Variants in CAPN5 observed in about 807,000 individuals in gnomAD.
CAPN5 encodes calpain-5.
A neutral mutation model predicts 73.0 loss-of-function variants in CAPN5; 54 were observed. That is an observed-to-expected ratio of 0.74 (90% CI 0.59 to 0.93). CAPN5 has a LOEUF of 0.93. Among genes scored for constraint, CAPN5 ranks in the 40% least tolerant of loss-of-function variants. The pLI is 0.00. For missense variants in CAPN5, 785 were observed against 882.9 expected (o/e 0.89, Z 1.41); for synonymous variants, 335 against 356.9 (o/e 0.94, Z 0.69).
chr11:77,089,313 C>G (rs1308510911), intron 2 of CAPN5, among the ~76,000 whole-genome samples: 4 of 152,260 alleles, frequency 2.6e-5, no homozygotes, highest in Non-Finnish European at 5.9e-5. Flanking sequence ...CATGCCTGCT[C>G]TGCCAGCATC....
At chr11:77,105,750 G>A (rs2135462619) in intron 3 of CAPN5, among the ~76,000 whole-genome samples, 1 of 152,330 alleles carries the variant, frequency 6.6e-6, no homozygotes, top group South Asian at 2.1e-4. Flanking sequence ...ACCTGTGCTG[G>A]GCTAGACTGA....
chr11:77,084,686 G>A (rs1565259333), intron 1 of CAPN5, among the ~76,000 whole-genome samples, 166 bp from the exon 2 acceptor site: 3 of 152,156 alleles, frequency 2.0e-5, no homozygotes, highest in South Asian at 4.1e-4. Context: ...CAGGCCGGTC[G>A]GTGTCTGTCC....
chr11:77,082,059 G>A (rs1290551118), intron 1 of CAPN5, among the ~76,000 whole-genome samples: 1 of 152,148 alleles, frequency 6.6e-6, no homozygotes, highest in Non-Finnish European at 1.5e-5. Flanking sequence ...GGGGCACAGG[G>A]TAGGCTGGGG....
intron 1 of CAPN5, chr11:77,073,273 A>G (rs1949930390): frequency 9.7e-6 from 4 of 411,618 alleles, no homozygotes; most frequent in Non-Finnish European, 1.9e-5. Flanking sequence ...CTCCACCTCC[A>G]CAAGTGTGGC....
At chr11:77,117,474 G>C (rs1555041959) in intron 7 of CAPN5, among the ~76,000 whole-genome samples, 1 of 152,216 alleles carries the variant, frequency 6.6e-6, no homozygotes, top group Non-Finnish European at 1.5e-5. Flanking sequence ...CCTTCTGCAG[G>C]TGTCAGGTCA....
In CAPN5 at chr11:77,119,059, T is replaced by C; in HGVS notation, c.1197T>C (p.Asp399=). The change falls in exon 9 of 13, where the codon GAT becomes GAC. Residue 399 remains aspartate (D), a synonymous_variant. Coordinates refer to ENST00000648180, the MANE Select transcript of CAPN5 (RefSeq NM_004055.5). Reference sequence around the variant, plus strand: ...TCTTCGAAGTCAAGAAGCCAGAAGATGAAGTCCTGATCTGCATCCAGCAGC... The same window carrying C: ...TCTTCGAAGTCAAGAAGCCAGAAGACGAAGTCCTGATCTGCATCCAGCAGC... ...QYIFEVKKPE[D]EVLICIQQRP... 2 of 1,614,016 alleles carry C rather than the reference T, an allele frequency of 1.2e-6. No individual in the cohort carries two copies. The highest frequency in any genetic ancestry group is 1.6e-4 in the Middle Eastern group (1 of 6,062).
intron 7 of CAPN5, among the ~76,000 whole-genome samples, chr11:77,117,885 G>T (rs151321144): frequency 1.4e-3 from 220 of 152,340 alleles, no homozygotes; most frequent in South Asian, 3.7e-3. Flanking sequence ...TGCCTGCTTT[G>T]ATTGCATTAC....
At chr11:77,111,972 A>G (rs1950414475) in intron 3 of CAPN5, among the ~76,000 whole-genome samples, 1 of 151,792 alleles carries the variant, frequency 6.6e-6, no homozygotes, top group African/African-American at 2.4e-5. Flanking sequence ...CAGAGAAATG[A>G]GGCTGGGGGA....
chr11:77,098,938 C>G (rs1360453173), intron 3 of CAPN5, among the ~76,000 whole-genome samples: 8 of 79,900 alleles, frequency 1.0e-4, no homozygotes, highest in African/African-American at 5.3e-4. Context: ...TCAGACGGGG[C>G]GGCTGCCGGG....
At chr11:77,109,382 TA>T (rs559370617) in intron 3 of CAPN5, among the ~76,000 whole-genome samples, 2,330 of 151,136 alleles carry the variant, frequency 0.015, 23 homozygotes, top group Non-Finnish European at 0.026. Context: ...TTTTCCAGTT[TA>T]AAAAAAAAAT....
chr11:77,077,534 T>G (rs1245903900), intron 1 of CAPN5, among the ~76,000 whole-genome samples: 1 of 151,950 alleles, frequency 6.6e-6, no homozygotes, highest in Non-Finnish European at 1.5e-5. Context: ...TTAATTTTTT[T>G]TTTTTGTTTT....
Position 77,116,263 on chromosome 11 carries a change from G to A in CAPN5, c.931G>A (p.Glu311Lys), listed in dbSNP as rs1460711673. The change falls in exon 7 of 13, where the codon GAG becomes AAG. Residue 311 changes from glutamate to lysine, a missense_variant. Transcript: ENST00000648180. ...GCAGAAAGTGAGCAAGAGTGAGCGG[G>A]AGAAGATGGGTGTGACCGTGCAGGA... ...EWQKVSKSER[E>K]KMGVTVQDDG... The A allele has an allele frequency of 6.2e-7, 1 of 1,613,800 alleles. No homozygotes were observed. Among genetic ancestry groups the A allele is most frequent in the Non-Finnish European group, 8.5e-7 (1 of 1,179,902 alleles).
intron 1 of CAPN5, among the ~76,000 whole-genome samples, chr11:77,081,482 G>A (rs562229447): frequency 1.3e-5 from 2 of 152,326 alleles, no homozygotes; most frequent in African/African-American, 4.8e-5. Flanking sequence ...TGGACACATC[G>A]TGGGTGAAGC....
chr11:77,098,379 A>C (rs1309753525), intron 3 of CAPN5, among the ~76,000 whole-genome samples: 7 of 86,964 alleles, frequency 8.0e-5, no homozygotes, highest in Admixed American at 1.1e-4. Flanking sequence ...CGGGGGGCTG[A>C]CCCCCCCACC....
intron 3 of CAPN5, among the ~76,000 whole-genome samples, chr11:77,108,951 C>T (rs1333638801): frequency 1.3e-5 from 2 of 152,024 alleles, no homozygotes; most frequent in Non-Finnish European, 2.9e-5. Flanking sequence ...GAAATGGGGC[C>T]GTTTGTCCTG....
Position 77,122,576 on chromosome 11 carries a change from G to A in CAPN5, c.1604G>A (p.Gly535Glu). 1 of 1,591,982 alleles carries A rather than the reference G, an allele frequency of 6.3e-7. No individual in the cohort carries two copies. ...GAAGLKDSPT[G>E]ANSYVIIKCE... is the part of the protein sequence containing the mutation. ...CCCATCTCCCACTCCCTCTCCCTAGGGGCTAACTCTTATGTGATCATCAAG... is the reference window on the plus strand; with the variant it reads ...CCCATCTCCCACTCCCTCTCCCTAGAGGCTAACTCTTATGTGATCATCAAG... Residue 535 changes from glycine (G) to glutamate (E), a missense_variant and splice_region_variant, in exon 12 of 13, where the codon GGG becomes GAG. Physicochemically the swap from Gly to Glu is moderately conservative, Grantham distance 98. Transcript: ENST00000648180.
intron 3 of CAPN5, among the ~76,000 whole-genome samples, chr11:77,102,522 G>T (rs1343819959): frequency 6.6e-6 from 1 of 152,218 alleles, no homozygotes; most frequent in East Asian, 1.9e-4. Context: ...ACCCAGCCCA[G>T]CCCTGGTAGT....
rs201372363 is a variant in CAPN5, at chr11:77,123,799, C to A, written c.1852C>A (p.Arg618=). 10 of 1,613,904 alleles carry A rather than the reference C, an allele frequency of 6.2e-6. No homozygotes were observed. The East Asian group carries it at 2.2e-4, about 36-fold the overall frequency. Residue 618 remains arginine, a synonymous_variant, in exon 13 of 13, where the codon CGG becomes AGG. Coordinates refer to ENST00000648180, the MANE Select transcript of CAPN5 (RefSeq NM_004055.5). ...CCTCCACCTCCGGGACCGAAATAGC[C>A]GGCAGCCCAGCAACCTGCCAGGCAC... ...HTLHLRDRNS[R]QPSNLPGTVA...
chr11:77,104,460 G>C (rs1950322308), intron 3 of CAPN5, among the ~76,000 whole-genome samples: 1 of 152,212 alleles, frequency 6.6e-6, no homozygotes, highest in South Asian at 2.1e-4. Flanking sequence ...ATAGTCCCAA[G>C]TGGGCTGCAG....
Sources: gnomAD v4.1 joint callset for allele counts (sites outside exome capture counted in the v4.1 genomes callset) on GRCh38, gnomAD v4.1.1 for gene constraint, MANE v1.5 for transcripts, NCBI Gene and HGNC (gene_info 2026-07-23, HGNC 2026-07-21) for gene names.